The following PRRG1 variants were observed in gnomAD, a reference collection of about 807,000 sequenced individuals.
The protein encoded by PRRG1 is proline rich and Gla domain 1, also known as transmembrane gamma-carboxyglutamic acid protein 1.
Under a neutral mutation model 11.8 loss-of-function variants are expected in PRRG1, and 5 were observed. The observed-to-expected ratio is 0.42, with a 90% CI of 0.22 to 0.89. The LOEUF (loss-of-function observed/expected upper bound fraction) is 0.89. PRRG1 is among the 40% of genes least tolerant of loss of function. PRRG1 has a pLI of 0.28. For synonymous variants in PRRG1, 66 were observed against 60.4 expected, an observed-to-expected ratio of 1.09 and a Z score of -0.43; for missense variants, 155 against 166.1, an observed-to-expected ratio of 0.93 and a Z score of 0.37.
chrX:37,372,739 G>A (rs1556371149), intron 1 of PRRG1, among the ~76,000 whole-genome samples: 2 of 112,713 alleles, frequency 1.8e-5, no homozygotes, highest in African/African-American at 6.5e-5. Flanking sequence ...CCCATCCCAT[G>A]GGTTATCTCT....
chrX:37,356,746 CTT>C (rs1345014373), intron 1 of PRRG1, among the ~76,000 whole-genome samples: 7 of 111,069 alleles, frequency 6.3e-5, no homozygotes, highest in African/African-American at 2.0e-4. Flanking sequence ...AATTAAAAAA[CTT>C]TAGTTTTTTA....
At chrX:37,452,514 A>G (rs1556396820) in intron 3 of PRRG1, among the ~76,000 whole-genome samples, 1 of 112,217 alleles carries the variant, frequency 8.9e-6, no homozygotes, top group African/African-American at 3.2e-5. Flanking sequence ...GAAGTAACCT[A>G]ATGTAGCTTC....
In PRRG1 at chrX:37,453,572, A is replaced by G; in HGVS notation, c.608A>G (p.Asn203Ser). Residue 203 changes from asparagine to serine, a missense_variant, in exon 4 of 4, where the codon AAC becomes AGC. By Grantham distance (46) the Asn-to-Ser change is conservative. Transcript: ENST00000378628. The stretch of plus-strand genomic sequence containing the variant: ...GAGTATGAGGACATAGTCAACTCCA[A>G]CTCAGCCAGTGCCATTCCTATGGTG... ...PPEYEDIVNS[N>S]SASAIPMVPV... is the part of the protein sequence containing the mutation. 4 of 1,205,717 alleles carry G rather than the reference A, an allele frequency of 3.3e-6. No individual in the cohort carries two copies. The highest frequency in any genetic ancestry group is 3.4e-6 in the Non-Finnish European group (3 of 892,035).
chrX:37,395,614 CAAA>C (rs150257827), intron 1 of PRRG1, among the ~76,000 whole-genome samples: 1 of 62,400 alleles, frequency 1.6e-5, no homozygotes. Flanking sequence ...GACTCCATCT[CAAA>C]AAAAAAAAAA....
intron 2 of PRRG1, among the ~76,000 whole-genome samples, chrX:37,408,225 G>A (rs968210627): frequency 2.7e-5 from 3 of 111,157 alleles, no homozygotes; most frequent in African/African-American, 3.3e-5. Flanking sequence ...ACAGATACAC[G>A]TGGAGTGGTT....
chrX:37,387,085 T>C (rs1419980977), intron 1 of PRRG1, among the ~76,000 whole-genome samples: 1 of 111,923 alleles, frequency 8.9e-6, no homozygotes, highest in Non-Finnish European at 1.9e-5. Flanking sequence ...TGTTTAAGTA[T>C]TGGAGAGTTT....
intron 1 of PRRG1, among the ~76,000 whole-genome samples, chrX:37,374,546 C>T (rs942334304): frequency 4.5e-5 from 5 of 111,240 alleles, no homozygotes; most frequent in Non-Finnish European, 9.5e-5. Context: ...TTATGTATGA[C>T]TGTTCGATAT....
chrX:37,389,043 C>T (rs1931433354), intron 1 of PRRG1, among the ~76,000 whole-genome samples: 1 of 111,958 alleles, frequency 8.9e-6, no homozygotes, highest in African/African-American at 3.3e-5. Flanking sequence ...TTCAAAGTTC[C>T]ACAGATCCCT....
At position 37,403,686 on chromosome X, in the gene PRRG1, AAC is replaced by A. The variant is rs201177735; in HGVS notation, c.-41-2511_-41-2510del. 5,746 of 561,285 alleles carry A rather than the reference AAC, an allele frequency of 0.01. 280 individuals carry two copies. The African/African-American group carries it at 0.13, about 13-fold the overall frequency. The allele number at this position is 561,285 out of a possible 1,213,427, so 46.3% of individuals were successfully genotyped here. ...AATAAAATAAAATAAAATGAATCTT[AAC>A]ACACACACACAGACAAAAAAGAAGG... is the stretch of plus-strand genomic sequence containing the variant. On this transcript the variant is annotated intron_variant, in intron 1 of 3. Coordinates refer to ENST00000378628, the MANE Select transcript of PRRG1 (RefSeq NM_001142395.2).
At chrX:37,394,729 G>A (rs1931658257) in intron 1 of PRRG1, among the ~76,000 whole-genome samples, 2 of 110,389 alleles carry the variant, frequency 1.8e-5, no homozygotes, top group Admixed American at 9.6e-5. Flanking sequence ...GGGAAAGAGG[G>A]GCAAGTACAT....
rs781860327 is a variant in PRRG1, at chrX:37,453,573, C to T, written c.609C>T (p.Asn203=). Residue 203 remains asparagine, a synonymous_variant, in exon 4 of 4, where the codon AAC becomes AAT. Transcript: ENST00000378628. ...PPEYEDIVNS[N]SASAIPMVPV... The stretch of plus-strand genomic sequence containing the variant: ...AGTATGAGGACATAGTCAACTCCAA[C>T]TCAGCCAGTGCCATTCCTATGGTGC... The T allele has an allele frequency of 2.5e-6, 3 of 1,204,121 alleles. No homozygotes were observed. In the East Asian group the frequency reaches 8.9e-5, roughly 36 times the overall value.
At chrX:37,390,805 A>G (rs188850169) in intron 1 of PRRG1, among the ~76,000 whole-genome samples, 71 of 112,169 alleles carry the variant, frequency 6.3e-4, no homozygotes, top group Middle Eastern at 4.6e-3. Flanking sequence ...TAAAAATTGG[A>G]TGGGAACTGG....
chrX:37,406,403 G>T, intron 2 of PRRG1, 144 bp downstream of exon 2: 1 of 563,463 alleles, frequency 1.8e-6, no homozygotes, highest in South Asian at 3.3e-5. Context: ...CTGAAGCAGG[G>T]CTTTTCAGAG....
chrX:37,430,697 A>G (rs1932818632), intron 3 of PRRG1, among the ~76,000 whole-genome samples: 1 of 111,684 alleles, frequency 9.0e-6, no homozygotes, highest in African/African-American at 3.3e-5. Context: ...GGTCCCATGC[A>G]GCCTTTACTC....
chrX:37,398,084 G>C (rs1931786435), intron 1 of PRRG1, among the ~76,000 whole-genome samples: 2 of 109,256 alleles, frequency 1.8e-5, no homozygotes, highest in Admixed American at 2.0e-4. Context: ...AGTAACCTCT[G>C]CAGACTTAAA....
intron 1 of PRRG1, among the ~76,000 whole-genome samples, chrX:37,359,346 A>G (rs1281610846): frequency 9.2e-6 from 1 of 108,829 alleles, no homozygotes; most frequent in Non-Finnish European, 1.9e-5. Flanking sequence ...TTTTTAAATC[A>G]TGAATCAGTG....
chrX:37,375,710 A>G (rs1213193665), intron 1 of PRRG1, among the ~76,000 whole-genome samples: 2 of 111,124 alleles, frequency 1.8e-5, no homozygotes, highest in African/African-American at 6.5e-5. Flanking sequence ...AGGCCTTGGT[A>G]AGAAAGAGAA....
chrX:37,449,118 A>G (rs1354621586), intron 3 of PRRG1, among the ~76,000 whole-genome samples: 1 of 111,406 alleles, frequency 9.0e-6, no homozygotes. Context: ...GGATTTTCCA[A>G]CTTGGGGGTA....
Position 37,453,402 on chromosome X carries a change from A to C in PRRG1, c.438A>C (p.Pro146=), listed in dbSNP as rs782102804. The change falls in exon 4 of 4, where the codon CCA becomes CCC. Residue 146 remains proline (P), a synonymous_variant. Coordinates refer to ENST00000378628, the MANE Select transcript of PRRG1 (RefSeq NM_001142395.2). The stretch of plus-strand genomic sequence containing the variant: ...TGTTTGACAGCAGTGGATTGTCTCC[A>C]GGCTTTCTGGGATATGTAGTTGGGC... ...DEVFDSSGLS[P]GFLGYVVGRS... is the part of the protein sequence containing the mutation. 7.6e-5 allele frequency: 91 copies of C among 1,200,585 alleles called. No individual in the cohort carries two copies. In the South Asian group the frequency reaches 1.6e-3, roughly 21 times the overall value.
Sources: gnomAD v4.1 joint callset for allele counts (sites outside exome capture counted in the v4.1 genomes callset) on GRCh38, gnomAD v4.1.1 for gene constraint, MANE v1.5 for transcripts, NCBI Gene and HGNC (gene_info 2026-07-23, HGNC 2026-07-21) for gene names.